The following TIMP2 variants were observed in gnomAD, a reference collection of about 807,000 sequenced individuals.
TIMP2 encodes the protein TIMP metallopeptidase inhibitor 2.
TIMP2 carries 5 observed loss-of-function variants against 24.3 expected under a neutral mutation model. The observed-to-expected ratio is 0.21, with a 90% CI of 0.11 to 0.43. TIMP2 has a LOEUF of 0.43. TIMP2 is among the 20% of genes least tolerant of loss of function. The pLI is 1.00. For synonymous variants in TIMP2, 130 were observed against 123.2 expected, an observed-to-expected ratio of 1.06 and a Z score of -0.37; for missense variants, 221 against 297.5, an observed-to-expected ratio of 0.74 and a Z score of 1.89.
chr17:78,915,342 A>C (rs571419031), intron 1 of TIMP2, among the ~76,000 whole-genome samples: 26 of 151,878 alleles, frequency 1.7e-4, no homozygotes, highest in Non-Finnish European at 3.2e-4. Flanking sequence ...AGACAGGCAA[A>C]CCTCATGAAC....
intron 3 of TIMP2, among the ~76,000 whole-genome samples, chr17:78,858,228 G>A (rs1249167871): frequency 6.6e-6 from 1 of 152,100 alleles, no homozygotes; most frequent in African/African-American, 2.4e-5. Flanking sequence ...GGATCACAAG[G>A]TCAGGAGATC....
rs752839521 is a variant in TIMP2, at chr17:78,920,841, C to T, written c.130+4118G>A. Among the ~76,000 whole-genome samples the T allele has an allele frequency of 2.0e-5, 3 of 152,096 alleles. No homozygotes were observed. Among genetic ancestry groups the T allele is most frequent in the Admixed American group, 1.3e-4 (2 of 15,266 alleles). ...GGGCAGCAGGAACCCCCTTCCACAC[C>T]GCCTGGTGCCAAGATGTACCACCCC... On this transcript the variant is annotated intron_variant, in intron 1 of 4. Transcript: ENST00000262768. The surrounding 1 kb of genome is among the most constrained non-coding windows in gnomAD (Gnocchi z 4.5).
At chr17:78,919,697 T>C (rs2070293960) in intron 1 of TIMP2, among the ~76,000 whole-genome samples, 2 of 152,032 alleles carry the variant, frequency 1.3e-5, no homozygotes, top group South Asian at 4.1e-4. Flanking sequence ...TAGCCGGGCA[T>C]GGTGGCGGGC....
At chr17:78,911,894 CAAA>C (rs60505603) in intron 1 of TIMP2, among the ~76,000 whole-genome samples, 3 of 112,092 alleles carry the variant, frequency 2.7e-5, no homozygotes, top group African/African-American at 9.8e-5. Context: ...AAAAACACAC[CAAA>C]AAAAAAAAAA....
At chr17:78,909,945 C>A (rs142431717) in intron 1 of TIMP2, among the ~76,000 whole-genome samples, 48 of 152,176 alleles carry the variant, frequency 3.2e-4, no homozygotes, top group African/African-American at 1.1e-3. Flanking sequence ...TACTGGGACC[C>A]GGTGTGATGC....
Position 78,891,947 on chromosome 17 carries a change from T to C in TIMP2, c.131-18028A>G. 2 of 1,550,608 alleles carry C rather than the reference T, an allele frequency of 1.3e-6. No individual in the cohort carries two copies. The highest frequency in any genetic ancestry group is 1.7e-6 in the Non-Finnish European group (2 of 1,147,004). Reference sequence around the variant, plus strand: ...GGGCCTGGAGTGCCTGGGGTGTTGCTGGCCCAACTCTTCCCTGCAACTCCT... The same window carrying C: ...GGGCCTGGAGTGCCTGGGGTGTTGCCGGCCCAACTCTTCCCTGCAACTCCT... On this transcript the variant is annotated intron_variant, in intron 1 of 4. Coordinates refer to ENST00000262768, the MANE Select transcript of TIMP2 (RefSeq NM_003255.5). The surrounding 1 kb of genome is among the most constrained non-coding windows in gnomAD (Gnocchi z 4.5).
intron 1 of TIMP2, among the ~76,000 whole-genome samples, chr17:78,880,335 C>A (rs914535998): frequency 6.6e-6 from 1 of 152,038 alleles, no homozygotes; most frequent in Non-Finnish European, 1.5e-5. Context: ...GAAGTTCCTG[C>A]GGAAAATAAG....
At chr17:78,874,336 C>T (rs897022791) in intron 1 of TIMP2, among the ~76,000 whole-genome samples, 2 of 151,988 alleles carry the variant, frequency 1.3e-5, no homozygotes, top group Non-Finnish European at 2.9e-5. Context: ...CTGGGGCAAG[C>T]AGGTACCCCA....
intron 1 of TIMP2, among the ~76,000 whole-genome samples, chr17:78,919,154 C>T (rs926955295): frequency 6.6e-6 from 1 of 152,268 alleles, no homozygotes; most frequent in African/African-American, 2.4e-5. Context: ...GTGCCACCCC[C>T]AGGCCCGCTC....
At chr17:78,905,382 C>T (rs1285021738) in intron 1 of TIMP2, among the ~76,000 whole-genome samples, 7 of 152,238 alleles carry the variant, frequency 4.6e-5, no homozygotes, top group East Asian at 3.9e-4. Flanking sequence ...TCCCATCTTA[C>T]GCAGCTGGAT....
intron 3 of TIMP2, among the ~76,000 whole-genome samples, chr17:78,861,278 T>A (rs967725390): frequency 8.5e-5 from 13 of 152,352 alleles, no homozygotes; most frequent in African/African-American, 3.1e-4. Context: ...CCAGCTTCTA[T>A]GGTGATTTCC....
At chr17:78,858,086 T>C (rs2069539413) in intron 3 of TIMP2, among the ~76,000 whole-genome samples, 1 of 142,394 alleles carries the variant, frequency 7.0e-6, no homozygotes, top group South Asian at 2.2e-4. Context: ...AAATAAAAAG[T>C]GGAAAAAAAA....
intron 1 of TIMP2, among the ~76,000 whole-genome samples, chr17:78,912,481 G>C (rs1394471524): frequency 3.9e-5 from 6 of 152,184 alleles, no homozygotes; most frequent in Admixed American, 6.5e-5. Context: ...GGTACCCACA[G>C]AACATCCCAC....
chr17:78,897,045 C>G (rs1447178725), intron 1 of TIMP2: 1 of 974,984 alleles, frequency 1.0e-6, no homozygotes, highest in East Asian at 1.1e-4. Flanking sequence ...AGACCTCACC[C>G]AGGGACCCTC....
chr17:78,869,783 C>A (rs1198708018), intron 3 of TIMP2, among the ~76,000 whole-genome samples: 1 of 152,138 alleles, frequency 6.6e-6, no homozygotes, highest in Non-Finnish European at 1.5e-5. Flanking sequence ...CCATTGCACC[C>A]CAGCCTGGGA....
chr17:78,918,053 C>T (rs868464636), intron 1 of TIMP2, among the ~76,000 whole-genome samples: 8 of 146,018 alleles, frequency 5.5e-5, no homozygotes, highest in Non-Finnish European at 1.1e-4. Context: ...AACACGTACG[C>T]GTGCACACAC....
At chr17:78,874,038 G>T in intron 1 of TIMP2, 119 bp from the exon 2 acceptor site, 1 of 819,172 alleles carries the variant, frequency 1.2e-6, no homozygotes, top group Non-Finnish European at 2.0e-6. Context: ...CAGCAGCAAG[G>T]TGCGAGACGG....
At chr17:78,860,625 C>A (rs1405382543) in intron 3 of TIMP2, among the ~76,000 whole-genome samples, 1 of 152,212 alleles carries the variant, frequency 6.6e-6, no homozygotes, top group Non-Finnish European at 1.5e-5. Context: ...GTCCTTTTCT[C>A]CGTTTAGACT....
chr17:78,882,966 T>C (rs2069792165), intron 1 of TIMP2, among the ~76,000 whole-genome samples: 1 of 152,172 alleles, frequency 6.6e-6, no homozygotes, highest in African/African-American at 2.4e-5. Flanking sequence ...CCAGCCCCTT[T>C]TGGTCAGCGG....
Sources: gnomAD v4.1 joint callset for allele counts (sites outside exome capture counted in the v4.1 genomes callset) on GRCh38, gnomAD v4.1.1 for gene constraint, Gnocchi (gnomAD v3.1) non-coding constraint, MANE v1.5 for transcripts, NCBI Gene and HGNC (gene_info 2026-07-23, HGNC 2026-07-21) for gene names.